The following PLCL2 variants were observed in gnomAD, a reference collection of about 807,000 sequenced individuals.
PLCL2 encodes inactive phospholipase C-like protein 2.
A neutral mutation model predicts 79.6 loss-of-function variants in PLCL2; 4 were observed. That is an observed-to-expected ratio of 0.05 (90% CI 0.02 to 0.11). The LOEUF (loss-of-function observed/expected upper bound fraction) is 0.11, where lower values mean the gene tolerates loss of function less well. Ranked by LOEUF, PLCL2 falls within the 10% of genes least tolerant of loss-of-function variation. The pLI is 1.00. For synonymous variants in PLCL2, 484 were observed against 457.7 expected (o/e 1.06, Z -0.73); for missense variants, 895 against 1,291.0 (o/e 0.69, Z 4.70).
chr3:17,070,631 T>G (rs536961675), intron 5 of PLCL2, among the ~76,000 whole-genome samples: 2 of 152,326 alleles, frequency 1.3e-5, no homozygotes, highest in Non-Finnish European at 2.9e-5. Context: ...GTCACTGGTT[T>G]AAACTTTCTT....
At position 17,057,894 on chromosome 3, in the gene PLCL2, G is replaced by T. The variant is rs76771608; in HGVS notation, c.3095-10062G>T. On this transcript the variant is annotated intron_variant, in intron 4 of 5. Transcript: ENST00000615277. ...CCGCATATTTATTTGTTCAACAAAC[G>T]AGCTCTTACTCTCCGTCTGACCAGG... 7.5e-3 allele frequency among the ~76,000 whole-genome samples: 1,134 copies of T among 152,212 alleles called. 15 individuals carry two copies. Among genetic ancestry groups the T allele is most frequent in the African/African-American group, 0.026 (1,062 of 41,526 alleles).
intron 1 of PLCL2, among the ~76,000 whole-genome samples, chr3:17,000,742 A>C (rs547287233): frequency 6.6e-6 from 1 of 152,076 alleles, no homozygotes; most frequent in African/African-American, 2.4e-5. Context: ...TGTTGCTGCA[A>C]ATGACAGTAT....
intron 1 of PLCL2, among the ~76,000 whole-genome samples, chr3:16,911,525 T>C (rs1044217451): frequency 5.3e-5 from 8 of 152,186 alleles, no homozygotes; most frequent in African/African-American, 1.9e-4. Context: ...TATTAGATTA[T>C]ATTTTCTTTG....
intron 1 of PLCL2, among the ~76,000 whole-genome samples, chr3:16,983,776 T>A (rs1272241822): frequency 6.6e-6 from 1 of 152,218 alleles, no homozygotes; most frequent in Non-Finnish European, 1.5e-5. Context: ...AAATTCTCAC[T>A]GTAAAGACCC....
chr3:16,998,777 A>G (rs898712002), intron 1 of PLCL2, among the ~76,000 whole-genome samples: 3 of 152,212 alleles, frequency 2.0e-5, no homozygotes, highest in African/African-American at 4.8e-5. Flanking sequence ...TTATGGTCCT[A>G]TGATTTCACA....
chr3:17,017,348 C>T (rs902957522), intron 3 of PLCL2, among the ~76,000 whole-genome samples: 8 of 151,994 alleles, frequency 5.3e-5, no homozygotes, highest in Admixed American at 2.6e-4. Context: ...CTGTTAATTC[C>T]ATCTGATAAA....
chr3:16,931,646 T>G (rs1048624709), intron 1 of PLCL2, among the ~76,000 whole-genome samples: 1 of 152,184 alleles, frequency 6.6e-6, no homozygotes, highest in African/African-American at 2.4e-5. Flanking sequence ...GGGTCCAGGT[T>G]CCAGTTCGGT....
intron 1 of PLCL2, among the ~76,000 whole-genome samples, chr3:16,962,480 CAATATT>C (rs959660659): frequency 1.9e-4 from 29 of 150,344 alleles, no homozygotes; most frequent in Non-Finnish European, 3.8e-4. Context: ...TTATAGTTCT[CAATATT>C]AATAATTCAG....
chr3:17,035,777 G>A (rs1207729699), intron 3 of PLCL2: 2 of 515,276 alleles, frequency 3.9e-6, no homozygotes, highest in Non-Finnish European at 7.8e-6. Flanking sequence ...TCTCTAATAC[G>A]AGTTGAGGTG....
chr3:16,902,590 G>A (rs1424914505), intron 1 of PLCL2, among the ~76,000 whole-genome samples: 2 of 152,112 alleles, frequency 1.3e-5, no homozygotes, highest in Non-Finnish European at 2.9e-5. Context: ...ACTTTAGGAT[G>A]CCAAGGCAGG....
At chr3:16,979,159 A>G (rs1021326965) in intron 1 of PLCL2, among the ~76,000 whole-genome samples, 5 of 152,184 alleles carry the variant, frequency 3.3e-5, no homozygotes, top group African/African-American at 9.7e-5. Context: ...CTTACGTATT[A>G]TAGGCCACAT....
intron 3 of PLCL2, among the ~76,000 whole-genome samples, chr3:17,021,595 T>TACACAC (rs35902619): frequency 0.016 from 2,378 of 146,572 alleles, 28 homozygotes; most frequent in Middle Eastern, 0.031. Context: ...AAAGTATTCT[T>TACACAC]ACACACACAC....
rs370655970 is a variant in PLCL2, at chr3:17,010,574, A to G, written c.1228A>G (p.Met410Val). The G allele has an allele frequency of 6.2e-7, 1 of 1,614,148 alleles. No homozygotes were observed. Among genetic ancestry groups the G allele is most frequent in the Non-Finnish European group, 8.5e-7 (1 of 1,180,018 alleles). Residue 410 changes from methionine (M) to valine (V), a missense_variant, in exon 2 of 6, where the codon ATG (methionine) becomes GTG (valine). Physicochemically the swap from Met to Val is conservative, Grantham distance 21. Transcript: ENST00000615277. The surrounding 1 kb of genome is among the most constrained non-coding windows in gnomAD (Gnocchi z 5.8). The part of the protein sequence containing the change: ...LSIDGFTNYL[M>V]SPDCYIFDPE... Reference sequence around the variant, plus strand: ...CATAGACGGGTTCACTAATTACCTTATGTCACCTGACTGTTATATATTCGA... The same window carrying G: ...CATAGACGGGTTCACTAATTACCTTGTGTCACCTGACTGTTATATATTCGA...
At chr3:17,051,641 A>G (rs1223108441) in intron 4 of PLCL2, among the ~76,000 whole-genome samples, 1 of 152,122 alleles carries the variant, frequency 6.6e-6, no homozygotes, top group East Asian at 1.9e-4. Context: ...TTTTGTGCAG[A>G]TGCAGTCAGG....
chr3:17,074,835 C>T (rs1233236214), intron 5 of PLCL2, among the ~76,000 whole-genome samples: 1 of 152,208 alleles, frequency 6.6e-6, no homozygotes, highest in Non-Finnish European at 1.5e-5. Context: ...TCTTAGACTT[C>T]ATAGAATTGA....
chr3:17,076,280 C>G (rs753130313), intron 5 of PLCL2, among the ~76,000 whole-genome samples: 31 of 151,758 alleles, frequency 2.0e-4, no homozygotes, highest in Non-Finnish European at 4.1e-4. Context: ...ATGTGGTTTT[C>G]TTTATGTTTC....
chr3:17,070,138 G>A (rs1196809345), intron 5 of PLCL2, among the ~76,000 whole-genome samples: 1 of 152,094 alleles, frequency 6.6e-6, no homozygotes, highest in African/African-American at 2.4e-5. Flanking sequence ...GTGTGGTCCG[G>A]GAACCAGCAA....
chr3:17,080,053 G>A (rs1475373917), intron 5 of PLCL2, among the ~76,000 whole-genome samples: 1 of 152,224 alleles, frequency 6.6e-6, no homozygotes, highest in Non-Finnish European at 1.5e-5. Context: ...CTTTGGGGTG[G>A]AGGTCAGGGT....
chr3:16,977,566 T>C (rs1325096512), intron 1 of PLCL2, among the ~76,000 whole-genome samples: 1 of 152,224 alleles, frequency 6.6e-6, no homozygotes. Flanking sequence ...AAACCTCTTT[T>C]ACTTATGGTA....
Sources: allele counts gnomAD v4.1 joint callset (sites outside exome capture counted in the v4.1 genomes callset), GRCh38; gene constraint gnomAD v4.1.1; non-coding constraint Gnocchi (gnomAD v3.1); transcripts MANE v1.5; gene names NCBI Gene and HGNC (gene_info 2026-07-23, HGNC 2026-07-21).